Variants in PLCG2 observed in about 807,000 individuals in gnomAD.
PLCG2 encodes 1-phosphatidylinositol 4,5-bisphosphate phosphodiesterase gamma-2.
PLCG2 carries 69 observed loss-of-function variants against 175.6 expected under a neutral mutation model. The ratio of observed to expected loss-of-function variants is 0.39; its 90% CI spans 0.32 to 0.48. The LOEUF (loss-of-function observed/expected upper bound fraction) is 0.48, where lower values mean the gene tolerates loss of function less well. Among genes scored for constraint, PLCG2 ranks in the 20% least tolerant of loss-of-function variants. The probability of loss-of-function intolerance (pLI) is 0.91; values close to 1 mark genes in which losing one functional copy is unlikely to be tolerated. For synonymous variants in PLCG2, 827 were observed against 624.0 expected (o/e 1.33, Z -4.85); for missense variants, 1,798 against 1,650.9 (o/e 1.09, Z -1.54).
chr16:81,750,591 CA>C (rs1323337969), intron 1 of PLCG2, among the ~76,000 whole-genome samples: 1 of 149,242 alleles, frequency 6.7e-6, no homozygotes, highest in East Asian at 1.9e-4. Flanking sequence ...CAGATTAATG[CA>C]TAAAGAAAAC....
chr16:81,873,553 G>GTTT (rs71712849), intron 7 of PLCG2, among the ~76,000 whole-genome samples: 1 of 146,274 alleles, frequency 6.8e-6, no homozygotes, highest in South Asian at 2.2e-4. Context: ...GCAAATAACA[G>GTTT]TTTTTTTTTT....
At chr16:81,897,020 C>A (rs540892926) in intron 13 of PLCG2, among the ~76,000 whole-genome samples, 1 of 152,354 alleles carries the variant, frequency 6.6e-6, no homozygotes, top group East Asian at 1.9e-4. Context: ...TTTATGGGCC[C>A]TGTGGTCTCT....
At chr16:81,777,744 A>C (rs987125867), upstream of PLCG2, among the ~76,000 whole-genome samples, 1 of 152,102 alleles carries the variant, frequency 6.6e-6, no homozygotes, top group Non-Finnish European at 1.5e-5. Flanking sequence ...GGCCGGGTGC[A>C]GTGGCTCATG....
At chr16:81,824,319 A>G (rs1218620316) in intron 2 of PLCG2, among the ~76,000 whole-genome samples, 2 of 152,092 alleles carry the variant, frequency 1.3e-5, no homozygotes, top group Non-Finnish European at 2.9e-5. Flanking sequence ...TTTTTAGTAG[A>G]GACAAGGTTT....
intron 2 of PLCG2, among the ~76,000 whole-genome samples, chr16:81,833,218 C>T (rs1288892114): frequency 6.6e-6 from 1 of 152,202 alleles, no homozygotes; most frequent in East Asian, 1.9e-4. Flanking sequence ...TGAAAATCAC[C>T]CTTTAAAGAA....
chr16:81,754,177 C>T (rs535691443), intron 1 of PLCG2, among the ~76,000 whole-genome samples: 1 of 152,056 alleles, frequency 6.6e-6, no homozygotes, highest in East Asian at 1.9e-4. Context: ...TCTCCGTCTC[C>T]ACCTCCACCT....
chr16:81,874,792 G>C (rs920707270), intron 7 of PLCG2, among the ~76,000 whole-genome samples: 13 of 152,116 alleles, frequency 8.5e-5, no homozygotes, highest in Non-Finnish European at 2.9e-5. Flanking sequence ...GTTTCCAAAA[G>C]TTTGGCAGCA....
chr16:81,857,011 T>C (rs12917955), intron 3 of PLCG2, among the ~76,000 whole-genome samples: 46,715 of 152,006 alleles, frequency 0.31, 7,801 homozygotes, highest in South Asian at 0.38. Flanking sequence ...CAGAAGGAAT[T>C]CAGAGATCTC....
chr16:81,863,772 G>T (rs1907096408), intron 5 of PLCG2, among the ~76,000 whole-genome samples: 1 of 152,174 alleles, frequency 6.6e-6, no homozygotes, highest in African/African-American at 2.4e-5. Flanking sequence ...TATAACATTG[G>T]ATTTGCATAA....
rs146947635 is a variant in PLCG2, at chr16:81,848,626, C to G, written c.194-5818C>G. Among the ~76,000 whole-genome samples the G allele has an allele frequency of 5.6e-3, 858 of 152,264 alleles. 11 individuals carry two copies. Among genetic ancestry groups the G allele is most frequent in the African/African-American group, 0.02 (843 of 41,540 alleles). Reference sequence around the variant, plus strand: ...TGTCCTTCTTCCTCTCTGTCCCCTGCTCTGCTCAGTCATCAGTAATTTGAT... The same window carrying G: ...TGTCCTTCTTCCTCTCTGTCCCCTGGTCTGCTCAGTCATCAGTAATTTGAT... On this transcript the variant is annotated intron_variant, in intron 2 of 32. Transcript: ENST00000564138.
At chr16:81,837,146 CA>C (rs1905560486) in intron 2 of PLCG2, among the ~76,000 whole-genome samples, 3 of 152,184 alleles carry the variant, frequency 2.0e-5, no homozygotes, top group Admixed American at 1.3e-4. Context: ...CAAAAAAAGA[CA>C]AACTAGCAAA....
chr16:81,940,093 G>A lies in PLCG2; in HGVS notation c.3481+34G>A, dbSNP rs187699588. The A allele has an allele frequency of 2.6e-4, 412 of 1,567,364 alleles. 1 individual carries two copies. In the Middle Eastern group the frequency reaches 7.6e-3, roughly 29 times the overall value. ...CATTTTAATTAAGATGTTCGATTTG[G>A]GCTGGCGTTGTACTTTGGTTTGGCT... On this transcript the variant is annotated intron_variant, in intron 30 of 32. Transcript: ENST00000564138.
At chr16:81,840,803 C>T (rs1905782021) in intron 2 of PLCG2, among the ~76,000 whole-genome samples, 1 of 152,190 alleles carries the variant, frequency 6.6e-6, no homozygotes, top group African/African-American at 2.4e-5. Context: ...TTGGAGGCAG[C>T]TCCCTTCCGA....
At chr16:81,800,477 G>C (rs978931411) in intron 2 of PLCG2, among the ~76,000 whole-genome samples, 9 of 152,210 alleles carry the variant, frequency 5.9e-5, no homozygotes, top group African/African-American at 2.2e-4. Context: ...TTGGTTTTCT[G>C]TTCCCGTGTT....
In PLCG2 at chr16:81,934,605, G is replaced by T. The variant is rs1910632343; in HGVS notation, c.2842+74G>T. The T allele has an allele frequency of 5.6e-6, 5 of 900,330 alleles. No individual in the cohort carries two copies. The South Asian group carries it at 7.1e-5, about 13-fold the overall frequency. The allele number at this position is 900,330 out of a possible 1,614,324, so 55.8% of individuals were successfully genotyped here. ...CTTCCTTTAGAGTCTGATATTTTCA[G>T]AGGGGGCAGAGAGTGCATTCTCTCA... is the stretch of plus-strand genomic sequence containing the variant. On this transcript the variant is annotated intron_variant, in intron 26 of 32. Transcript: ENST00000564138.
At chr16:81,877,963 T>C (rs991458764) in intron 7 of PLCG2, among the ~76,000 whole-genome samples, 2 of 142,936 alleles carry the variant, frequency 1.4e-5, no homozygotes, top group African/African-American at 5.2e-5. Context: ...ATCTCCCTCT[T>C]TTTTTTTTAA....
chr16:81,791,025 G>A (rs1160285556), intron 2 of PLCG2, among the ~76,000 whole-genome samples: 3 of 152,160 alleles, frequency 2.0e-5, no homozygotes, highest in Non-Finnish European at 4.4e-5. Flanking sequence ...GGGTAAAATA[G>A]GGTTTTGCTC....
intron 14 of PLCG2, among the ~76,000 whole-genome samples, chr16:81,901,251 G>C (rs1192974276): frequency 6.6e-6 from 1 of 152,220 alleles, no homozygotes; most frequent in African/African-American, 2.4e-5. Flanking sequence ...TGCTAGAAAA[G>C]GCTGAGTGCA....
chr16:81,877,703 C>G (rs567066354), intron 7 of PLCG2, among the ~76,000 whole-genome samples: 2 of 151,770 alleles, frequency 1.3e-5, no homozygotes, highest in African/African-American at 2.4e-5. Context: ...GATGGCATTG[C>G]TCTTTGGTGT....
Sources: gnomAD v4.1 joint callset for allele counts (sites outside exome capture counted in the v4.1 genomes callset) on GRCh38, gnomAD v4.1.1 for gene constraint, MANE v1.5 for transcripts, NCBI Gene and HGNC (gene_info 2026-07-23, HGNC 2026-07-21) for gene names.